The following KCNK13 variants were observed in gnomAD, a reference collection of about 807,000 sequenced individuals.
KCNK13 encodes potassium two pore domain channel subfamily K member 13.
In KCNK13, 12 loss-of-function variants were observed where a neutral mutation model predicts 23.4. That is an observed-to-expected ratio of 0.51 (90% CI 0.33 to 0.83). The LOEUF (loss-of-function observed/expected upper bound fraction) is 0.83, where lower values mean the gene tolerates loss of function less well. KCNK13 is among the 40% of genes least tolerant of loss of function. The probability of loss-of-function intolerance (pLI) is 0.02; values close to 1 mark genes in which losing one functional copy is unlikely to be tolerated. For synonymous variants in KCNK13, 231 were observed against 229.5 expected (o/e 1.01, Z -0.06); for missense variants, 463 against 556.3 (o/e 0.83, Z 1.69).
intron 1 of KCNK13, among the ~76,000 whole-genome samples, chr14:90,142,792 A>T (rs980333110): frequency 3.3e-5 from 5 of 152,236 alleles, no homozygotes. Flanking sequence ...GTTTATTAAC[A>T]TGTGCTTATG....
chr14:90,154,986 A>G (rs1400669438), intron 1 of KCNK13, among the ~76,000 whole-genome samples: 5 of 152,260 alleles, frequency 3.3e-5, no homozygotes, highest in Admixed American at 3.3e-4. Context: ...ACAGCAGTGA[A>G]CAAGACAGAC....
At chr14:90,127,030 G>A (rs1345769414) in intron 1 of KCNK13, among the ~76,000 whole-genome samples, 3 of 152,220 alleles carry the variant, frequency 2.0e-5, no homozygotes, top group Non-Finnish European at 4.4e-5. Context: ...CTAGAAGAGA[G>A]AAAAGACATT....
intron 1 of KCNK13, among the ~76,000 whole-genome samples, chr14:90,135,708 T>C (rs1403791241): frequency 6.6e-6 from 1 of 152,156 alleles, no homozygotes; most frequent in Non-Finnish European, 1.5e-5. Flanking sequence ...CTTTCAAGCT[T>C]TAAGCCATGC....
intron 1 of KCNK13, among the ~76,000 whole-genome samples, chr14:90,130,054 G>A (rs1022080922): frequency 6.6e-6 from 1 of 152,090 alleles, no homozygotes; most frequent in Non-Finnish European, 1.5e-5. Context: ...ATATAATGTT[G>A]TTTAATCAAA....
rs781015736 is a variant in KCNK13 at position 90,062,484 on chromosome 14, G to A, written c.279G>A (p.Pro93=). The change falls in exon 1 of 2, where the codon CCG becomes CCA. Residue 93 remains proline (P), a synonymous_variant. Coordinates refer to ENST00000282146, the MANE Select transcript of KCNK13 (RefSeq NM_022054.4). This position sits in a 1 kb window ranked among gnomAD's most constrained non-coding sequence, Gnocchi z 4.5. ...GCATCCGCGTGGACAACGTCCGCCC[G>A]CGCTGGGACTTCACCGGCGCCTTCT... The part of the protein sequence containing the change: ...RAGIRVDNVR[P]RWDFTGAFYF... 5 of 1,542,734 alleles carry A rather than the reference G, an allele frequency of 3.2e-6. No homozygotes were observed. In the African/African-American group the frequency reaches 6.9e-5, roughly 21 times the overall value.
intron 1 of KCNK13, among the ~76,000 whole-genome samples, chr14:90,181,418 G>T (rs1385980773): frequency 1.3e-5 from 2 of 152,118 alleles, no homozygotes; most frequent in Non-Finnish European, 2.9e-5. Flanking sequence ...CTCCCAGGGA[G>T]GAAGGAATGG....
In KCNK13 at chr14:90,142,122, T is replaced by C. The variant is rs543864849; in HGVS notation, c.335-41989T>C. On this transcript the variant is annotated intron_variant, in intron 1 of 1. Coordinates refer to ENST00000282146, the MANE Select transcript of KCNK13 (RefSeq NM_022054.4). ...TTGTAGCTCACCCCTCCCTTCCCTG[T>C]CCCCAGGTAACTAGCGATCTGCTCT... 2.9e-3 allele frequency among the ~76,000 whole-genome samples: 444 copies of C among 151,830 alleles called. 2 individuals carry two copies. Among genetic ancestry groups the C allele is most frequent in the African/African-American group, 0.01 (425 of 41,442 alleles).
At chr14:90,111,412 T>C (rs908597802) in intron 1 of KCNK13, among the ~76,000 whole-genome samples, 4 of 152,206 alleles carry the variant, frequency 2.6e-5, no homozygotes, top group Non-Finnish European at 5.9e-5. Flanking sequence ...CCTCTCCTTA[T>C]TGGCTCTAGG....
intron 1 of KCNK13, among the ~76,000 whole-genome samples, chr14:90,089,392 G>A (rs1238260534): frequency 6.6e-6 from 1 of 152,246 alleles, no homozygotes; most frequent in Non-Finnish European, 1.5e-5. Flanking sequence ...TTGAACTTGA[G>A]AGAGATGATG....
chr14:90,141,795 G>GGGGT (rs1555352003), intron 1 of KCNK13, among the ~76,000 whole-genome samples: 1 of 872 alleles, frequency 1.1e-3, no homozygotes, highest in East Asian at 0.083. Context: ...TTTGTTTTTT[G>GGGGT]GGGGGGGGGA....
In KCNK13 at chr14:90,097,186, C is replaced by G. The variant is rs113960003; in HGVS notation, c.334+34647C>G. On this transcript the variant is annotated intron_variant, in intron 1 of 1. Coordinates refer to ENST00000282146, the MANE Select transcript of KCNK13 (RefSeq NM_022054.4). ...CTTAGTTCATCCTGTGTTGCTATAA[C>G]AGAACTGAGACTGGGTAATTTATAA... 5.9e-5 allele frequency among the ~76,000 whole-genome samples: 9 copies of G among 152,258 alleles called. 3 individuals carry two copies. Among genetic ancestry groups the G allele is most frequent in the South Asian group, 2.1e-4 (1 of 4,816 alleles).
chr14:90,112,306 A>G (rs897380898), intron 1 of KCNK13, among the ~76,000 whole-genome samples: 1 of 152,118 alleles, frequency 6.6e-6, no homozygotes, highest in Admixed American at 6.6e-5. Context: ...AGATCATTTC[A>G]CTCACTTGAC....
chr14:90,179,871 GT>G (rs1354656788), intron 1 of KCNK13, among the ~76,000 whole-genome samples: 1 of 152,168 alleles, frequency 6.6e-6, no homozygotes, highest in African/African-American at 2.4e-5. Context: ...TGTTTTATAT[GT>G]TTTGGTACAT....
intron 1 of KCNK13, among the ~76,000 whole-genome samples, chr14:90,103,100 G>A (rs1350832818): frequency 6.6e-6 from 1 of 152,228 alleles, no homozygotes; most frequent in Non-Finnish European, 1.5e-5. Context: ...TTGCTGCAAA[G>A]GACATAATTT....
chr14:90,142,887 A>T (rs1890025866), intron 1 of KCNK13, among the ~76,000 whole-genome samples: 1 of 152,236 alleles, frequency 6.6e-6, no homozygotes, highest in Admixed American at 6.5e-5. Context: ...TTTTTAAAGA[A>T]GTGACAAGAC....
chr14:90,138,215 T>A (rs773051672), intron 1 of KCNK13, among the ~76,000 whole-genome samples: 11 of 152,338 alleles, frequency 7.2e-5, no homozygotes, highest in African/African-American at 9.6e-5. Context: ...ATTGTAAAAA[T>A]ATATATATGT....
chr14:90,157,861 C>T (rs960750063), intron 1 of KCNK13, among the ~76,000 whole-genome samples: 23 of 151,652 alleles, frequency 1.5e-4, no homozygotes, highest in South Asian at 4.2e-4. Flanking sequence ...CCACCACGCC[C>T]GGCTAATTTT....
chr14:90,113,959 T>C (rs10130677), intron 1 of KCNK13, among the ~76,000 whole-genome samples: 47,159 of 151,828 alleles, frequency 0.31, 7,426 homozygotes, highest in East Asian at 0.38. Context: ...AAAAAAAGAA[T>C]GAAAGAAAAA....
At chr14:90,102,624 C>T (rs1459657578) in intron 1 of KCNK13, among the ~76,000 whole-genome samples, 1 of 152,144 alleles carries the variant, frequency 6.6e-6, no homozygotes, top group Non-Finnish European at 1.5e-5. Flanking sequence ...TCCCATTATT[C>T]CTCATAGCCT....
Sources: allele counts gnomAD v4.1 joint callset (sites outside exome capture counted in the v4.1 genomes callset), GRCh38; gene constraint gnomAD v4.1.1; non-coding constraint Gnocchi (gnomAD v3.1); transcripts MANE v1.5; gene names NCBI Gene and HGNC (gene_info 2026-07-23, HGNC 2026-07-21).